ATP9B: variants seen among roughly 807,000 people sequenced by gnomAD.
The protein encoded by ATP9B is ATPase phospholipid transporting 9B.
In ATP9B, 110 loss-of-function variants were observed where a neutral mutation model predicts 146.1. That is an observed-to-expected ratio of 0.75 (90% CI 0.65 to 0.88). The LOEUF is 0.88. ATP9B is among the 40% of genes least tolerant of loss of function. ATP9B has a pLI of 0.00. For missense variants in ATP9B, 1,499 were observed against 1,496.4 expected (o/e 1.00, Z -0.03); for synonymous variants, 604 against 569.7 (o/e 1.06, Z -0.86).
chr18:79,294,968 C>T (rs912183251), intron 13 of ATP9B, among the ~76,000 whole-genome samples: 1 of 152,156 alleles, frequency 6.6e-6, no homozygotes, highest in Non-Finnish European at 1.5e-5. Context: ...AAAGAACATA[C>T]GTTCCTGGAT....
intron 25 of ATP9B, among the ~76,000 whole-genome samples, chr18:79,359,027 G>A (rs58321715): frequency 0.034 from 5,248 of 152,122 alleles, 302 homozygotes; most frequent in African/African-American, 0.12. Flanking sequence ...GTTACCATTG[G>A]GAGAACTGGG....
At chr18:79,290,198 G>A (rs1385392387) in intron 13 of ATP9B, among the ~76,000 whole-genome samples, 2 of 152,220 alleles carry the variant, frequency 1.3e-5, no homozygotes, top group African/African-American at 4.8e-5. Flanking sequence ...CTTTTTGTTT[G>A]TCTGTGTCCT....
intron 26 of ATP9B, chr18:79,360,776 GTTA>G (rs2096983327): frequency 1.3e-5 from 2 of 152,182 alleles, no homozygotes; most frequent in South Asian, 4.1e-4. Flanking sequence ...AATACCAAGC[GTTA>G]TTATCATGGT....
At chr18:79,139,638 G>A (rs941799528) in intron 5 of ATP9B, among the ~76,000 whole-genome samples, 1 of 152,162 alleles carries the variant, frequency 6.6e-6, no homozygotes, top group African/African-American at 2.4e-5. Flanking sequence ...CAGGGTAAAT[G>A]GGGTATCCAT....
intron 7 of ATP9B, among the ~76,000 whole-genome samples, chr18:79,160,431 C>T (rs1039025788): frequency 6.6e-6 from 1 of 152,190 alleles, no homozygotes; most frequent in Non-Finnish European, 1.5e-5. Context: ...TTTATTTGTC[C>T]TGTTTTACAA....
chr18:79,205,024 G>A (rs761471576), intron 9 of ATP9B, among the ~76,000 whole-genome samples: 6 of 152,058 alleles, frequency 3.9e-5, no homozygotes, highest in Admixed American at 6.6e-5. Flanking sequence ...CAGGTCAGGC[G>A]GTCGCCTTCT....
At chr18:79,237,287 T>C (rs1273812974) in intron 11 of ATP9B, among the ~76,000 whole-genome samples, 1 of 147,836 alleles carries the variant, frequency 6.8e-6, no homozygotes, top group Admixed American at 6.7e-5. Flanking sequence ...TTCCCCACTG[T>C]GTACACGGTC....
chr18:79,089,126 G>T (rs556521093), intron 1 of ATP9B, among the ~76,000 whole-genome samples: 1 of 152,126 alleles, frequency 6.6e-6, no homozygotes, highest in South Asian at 2.1e-4. Context: ...TGGGAAGGGA[G>T]TGAGGGATAA....
chr18:79,099,658 G>T (rs1017787491), intron 2 of ATP9B, among the ~76,000 whole-genome samples: 2 of 151,898 alleles, frequency 1.3e-5, no homozygotes, highest in African/African-American at 4.8e-5. Flanking sequence ...TAGAGACCAG[G>T]TCTTGCTATG....
At chr18:79,175,044 C>CA (rs1053601457) in intron 7 of ATP9B, among the ~76,000 whole-genome samples, 4 of 151,600 alleles carry the variant, frequency 2.6e-5, no homozygotes, top group South Asian at 2.1e-4. Flanking sequence ...ACTAAAAATA[C>CA]AAAAAAATTA....
chr18:79,349,585 T>A (rs1173465612), intron 25 of ATP9B, among the ~76,000 whole-genome samples: 1 of 152,210 alleles, frequency 6.6e-6, no homozygotes, highest in African/African-American at 2.4e-5. Flanking sequence ...GACAGCTCCC[T>A]GAATCCCAGG....
rs1600013338 is a variant in ATP9B, at chr18:79,157,405, A to AAAAAAAAAAAAAC, written c.778+2862_778+2863insCAAAAAAAAAAAA. The stretch of plus-strand genomic sequence containing the variant: ...GAGTGAAACTCCATCTCAAAAAAAA[A>AAAAAAAAAAAAAC]AAAAAAAAAAAAAAAAAAACATGTA... On this transcript the variant is annotated intron_variant, in intron 7 of 29. Transcript: ENST00000426216. Among the ~76,000 whole-genome samples, 22 of 124,594 alleles carry AAAAAAAAAAAAAC rather than the reference A, an allele frequency of 1.8e-4. 1 individual carries two copies. Among genetic ancestry groups the AAAAAAAAAAAAAC allele is most frequent in the East Asian group, 3.2e-4 (1 of 3,100 alleles). The allele number at this position is 124,594 out of a possible 152,430, so 81.7% of individuals were successfully genotyped here.
chr18:79,128,163 G>A (rs1249646544), intron 5 of ATP9B, among the ~76,000 whole-genome samples: 3 of 150,102 alleles, frequency 2.0e-5, no homozygotes, highest in Admixed American at 6.7e-5. Context: ...GGGTTCGGGC[G>A]ATTCTCCTGC....
chr18:79,356,336 GT>G (rs2096952919), intron 25 of ATP9B, among the ~76,000 whole-genome samples: 1 of 151,544 alleles, frequency 6.6e-6, no homozygotes, highest in African/African-American at 2.4e-5. Flanking sequence ...CTCGGCACTC[GT>G]TTCCAAACCT....
At chr18:79,337,952 C>T (rs2096836809) in intron 19 of ATP9B, among the ~76,000 whole-genome samples, 1 of 152,204 alleles carries the variant, frequency 6.6e-6, no homozygotes, top group Non-Finnish European at 1.5e-5. Flanking sequence ...GCAGGGGTCT[C>T]TGTGCCTCCC....
chr18:79,172,051 G>A (rs180794793), intron 7 of ATP9B, among the ~76,000 whole-genome samples: 8 of 152,230 alleles, frequency 5.3e-5, no homozygotes, highest in Admixed American at 5.2e-4. Flanking sequence ...ACCATACCCG[G>A]CTAATTTTTG....
At chr18:79,262,831 A>G (rs1383319900) in intron 12 of ATP9B, among the ~76,000 whole-genome samples, 1 of 152,182 alleles carries the variant, frequency 6.6e-6, no homozygotes. Flanking sequence ...GTTTCCTTTT[A>G]TACTTTTTCT....
intron 15 of ATP9B, among the ~76,000 whole-genome samples, chr18:79,315,519 TATG>T (rs2096674517): frequency 6.6e-6 from 1 of 152,228 alleles, no homozygotes; most frequent in South Asian, 2.1e-4. Context: ...GTGATTAAAT[TATG>T]ATGTACAAAG....
At chr18:79,305,882 A>G (rs2096617728) in intron 14 of ATP9B, among the ~76,000 whole-genome samples, 1 of 152,256 alleles carries the variant, frequency 6.6e-6, no homozygotes, top group African/African-American at 2.4e-5. Flanking sequence ...CAGATCTTTT[A>G]TAACCTGATT....
Sources: allele counts gnomAD v4.1 joint callset (sites outside exome capture counted in the v4.1 genomes callset), GRCh38; gene constraint gnomAD v4.1.1; transcripts MANE v1.5; gene names NCBI Gene and HGNC (gene_info 2026-07-23, HGNC 2026-07-21).